Variants in DIMT1 observed in about 807,000 individuals in gnomAD.
The protein encoded by DIMT1 is dimethyladenosine transferase.
DIMT1 carries 36 observed loss-of-function variants against 43.2 expected under a neutral mutation model. The ratio of observed to expected loss-of-function variants is 0.83; its 90% CI spans 0.64 to 1.10. The LOEUF is 1.10. Ranked by LOEUF, DIMT1 falls within the 50% of genes least tolerant of loss-of-function variation. The pLI is 0.00. For synonymous variants in DIMT1, 126 were observed against 130.3 expected, an observed-to-expected ratio of 0.97 and a Z score of 0.22; for missense variants, 341 against 385.3, an observed-to-expected ratio of 0.88 and a Z score of 0.96.
At chr5:62,393,923 C>G in intron 8 of DIMT1, 32 bp downstream of exon 8, 3 of 1,569,258 alleles carry the variant, frequency 1.9e-6, no homozygotes. Context: ...CTTTTTTTTC[C>G]TTTATTGAAT....
rs773822379 is a variant in DIMT1, at chr5:62,398,578, A to G, written c.397-18T>C. The G allele has an allele frequency of 6.2e-7, 1 of 1,612,800 alleles. No individual in the cohort carries two copies. Among genetic ancestry groups the G allele is most frequent in the African/African-American group, 1.3e-5 (1 of 74,926 alleles). On this transcript the variant is annotated intron_variant, in intron 5 of 11. Coordinates refer to ENST00000199320, the MANE Select transcript of DIMT1 (RefSeq NM_014473.4). The stretch of plus-strand genomic sequence containing the variant: ...GAAGAGATCTGTAAGAGAATTAACT[A>G]GTTATTTCCGGGAAAGACACATCAG...
intron 10 of DIMT1, chr5:62,391,616 TTC>T (rs754723279): frequency 3.8e-5 from 34 of 899,688 alleles, no homozygotes; most frequent in Non-Finnish European, 4.5e-5. Flanking sequence ...AAATTGGCCT[TTC>T]TCTCTCTGTT....
In DIMT1 at chr5:62,403,835, G is replaced by A. The variant is rs973663532; in HGVS notation, c.-63C>T. 2.5e-5 allele frequency: 39 copies of A among 1,545,862 alleles called. No homozygotes were observed. Among genetic ancestry groups the A allele is most frequent in the Non-Finnish European group, 3.3e-5 (38 of 1,136,972 alleles). ...GGAGGACCAAAGAGGGCTAGCGTGAGAAAGCCACCACGTGGGGATCGCCGC... is the reference window on the plus strand; with the variant it reads ...GGAGGACCAAAGAGGGCTAGCGTGAAAAAGCCACCACGTGGGGATCGCCGC... On this transcript the variant is annotated 5_prime_UTR_variant, in exon 1 of 12. Transcript: ENST00000199320.
intron 2 of DIMT1, 26 bp downstream of exon 2, chr5:62,403,247 C>G (rs1468211685): frequency 7.5e-6 from 12 of 1,601,432 alleles, no homozygotes; most frequent in Non-Finnish European, 1.0e-5. Flanking sequence ...ACCAACAACT[C>G]TCTCCCTTTC....
chr5:62,401,390 G>A (rs1742696704), intron 3 of DIMT1, among the ~76,000 whole-genome samples: 10 of 149,864 alleles, frequency 6.7e-5, no homozygotes, highest in Admixed American at 6.7e-4. Flanking sequence ...AGCTACTGGG[G>A]AGGCTGAGGC....
chr5:62,394,278 C>A (rs1376708040), intron 7 of DIMT1, among the ~76,000 whole-genome samples: 2 of 152,136 alleles, frequency 1.3e-5, no homozygotes, highest in Non-Finnish European at 2.9e-5. Context: ...CCAACCTGGG[C>A]AACATAGCAA....
At chr5:62,399,183 T>C (rs932747127) in intron 3 of DIMT1, among the ~76,000 whole-genome samples, 1 of 151,894 alleles carries the variant, frequency 6.6e-6, no homozygotes, top group Admixed American at 6.6e-5. Flanking sequence ...TACAAAATAT[T>C]AGGCCAGGTG....
At chr5:62,401,149 A>C (rs554614249) in intron 3 of DIMT1, among the ~76,000 whole-genome samples, 1 of 152,258 alleles carries the variant, frequency 6.6e-6, no homozygotes, top group African/African-American at 2.4e-5. Flanking sequence ...AGTGAAAGGC[A>C]CCAGCATTAT....
chr5:62,396,092 A>G (rs1742475379), intron 6 of DIMT1, among the ~76,000 whole-genome samples: 1 of 146,786 alleles, frequency 6.8e-6, no homozygotes, highest in Non-Finnish European at 1.5e-5. Context: ...ATTTTAGTCT[A>G]TATCAAAAAA....
At chr5:62,403,423 T>G in intron 1 of DIMT1, 77 bp from the exon 2 acceptor site, 1 of 1,391,352 alleles carries the variant, frequency 7.2e-7, no homozygotes. Context: ...GAAAGCTGCA[T>G]GGGTATGGGG....
intron 6 of DIMT1, among the ~76,000 whole-genome samples, 158 bp from the exon 7 acceptor site, chr5:62,394,765 G>A (rs940695450): frequency 2.0e-5 from 3 of 152,158 alleles, no homozygotes; most frequent in Non-Finnish European, 4.4e-5. Flanking sequence ...GCCACAGAAT[G>A]AGAGAGCTGG....
chr5:62,393,875 T>C (rs937691931), intron 8 of DIMT1, 80 bp downstream of exon 8: 3 of 1,253,448 alleles, frequency 2.4e-6, no homozygotes, highest in African/African-American at 1.5e-5. Context: ...TGATTCAATA[T>C]TTTTCTGCTG....
chr5:62,403,257 C>A lies in DIMT1; in HGVS notation c.153+16G>T. Reference sequence around the variant, plus strand: ...AATAAACCAACAACTCTCTCCCTTTCCTCTTCCACACCCACCTTATCGATA... The same window carrying A: ...AATAAACCAACAACTCTCTCCCTTTACTCTTCCACACCCACCTTATCGATA... On this transcript the variant is annotated intron_variant, in intron 2 of 11. Transcript: ENST00000199320. The A allele has an allele frequency of 1.2e-6, 2 of 1,610,620 alleles. No individual in the cohort carries two copies. The highest frequency in any genetic ancestry group is 4.5e-5 in the East Asian group (2 of 44,866).
chr5:62,391,997 C>G, intron 10 of DIMT1, 174 bp downstream of exon 10: 1 of 1,543,008 alleles, frequency 6.5e-7, no homozygotes, highest in East Asian at 2.4e-5. Flanking sequence ...GGATACACAG[C>G]AGCACTGACC....
At position 62,392,966 on chromosome 5, in the gene DIMT1, T is replaced by C; in HGVS notation, c.688A>G (p.Thr230Ala). 1.2e-6 allele frequency: 2 copies of C among 1,610,830 alleles called. No individual in the cohort carries two copies. Among genetic ancestry groups the C allele is most frequent in the Non-Finnish European group, 1.7e-6 (2 of 1,177,482 alleles). ...AGTGTCTTGTTTTTCCTAACAAAGG[T>C]TATCCTTACTAGACCATCCCATTCC... ...FQEWDGLVRI[T>A]FVRKNKTLSA... Residue 230 changes from threonine to alanine, a missense_variant, in exon 9 of 12, where the codon ACC (threonine) becomes GCC (alanine). Physicochemically the swap from Thr to Ala is moderately conservative, Grantham distance 58. Coordinates refer to ENST00000199320, the MANE Select transcript of DIMT1 (RefSeq NM_014473.4).
At chr5:62,403,419 T>G in intron 1 of DIMT1, 73 bp from the exon 2 acceptor site, 5 of 1,409,206 alleles carry the variant, frequency 3.5e-6, no homozygotes, top group Non-Finnish European at 5.0e-6. Context: ...AGAAGAAAGC[T>G]GCATGGGTAT....
chr5:62,391,694 C>T (rs72769109), intron 10 of DIMT1: 47,842 of 1,265,038 alleles, frequency 0.038, 988 homozygotes, highest in Middle Eastern at 0.045. Context: ...ACAAATGATA[C>T]GCATGAGGCT....
intron 2 of DIMT1, among the ~76,000 whole-genome samples, chr5:62,402,386 C>T (rs1434162603): frequency 2.6e-5 from 4 of 152,224 alleles, no homozygotes; most frequent in Non-Finnish European, 5.9e-5. Flanking sequence ...CTGGGATTGG[C>T]ATTCTGCTTT....
At chr5:62,403,619 T>C (rs1434540787) in intron 1 of DIMT1, 75 bp downstream of exon 1, 24 of 1,511,692 alleles carry the variant, frequency 1.6e-5, no homozygotes, top group Non-Finnish European at 2.0e-5. Context: ...GATCAGGTCT[T>C]GGTCCGCACC....
Sources: allele counts gnomAD v4.1 joint callset (sites outside exome capture counted in the v4.1 genomes callset), GRCh38; gene constraint gnomAD v4.1.1; transcripts MANE v1.5; gene names NCBI Gene and HGNC (gene_info 2026-07-23, HGNC 2026-07-21).